Variants in DPP6 observed in about 807,000 individuals in gnomAD.
DPP6 encodes the protein A-type potassium channel modulatory protein DPP6.
Under a neutral mutation model 122.6 loss-of-function variants are expected in DPP6, and 69 were observed. The ratio of observed to expected loss-of-function variants is 0.56; its 90% CI spans 0.46 to 0.69. The LOEUF is 0.69. DPP6 is among the 30% of genes least tolerant of loss of function. The pLI is 0.00. For missense variants in DPP6, 928 were observed against 1,116.9 expected (o/e 0.83, Z 2.41); for synonymous variants, 418 against 433.1 (o/e 0.97, Z 0.43).
chr7:153,980,463 GTCTA>G (rs1329331188), intron 1 of DPP6, among the ~76,000 whole-genome samples: 11 of 151,708 alleles, frequency 7.3e-5, no homozygotes, highest in Admixed American at 1.3e-4. Flanking sequence ...CTGGTTAGTG[GTCTA>G]TCTATTTTGT....
the DPP6 span, among the ~76,000 whole-genome samples, chr7:153,778,338 T>C: frequency 6.6e-6 from 1 of 152,076 alleles, no homozygotes; most frequent in Non-Finnish European, 1.5e-5. Context: ...TATATACATA[T>C]ATATGCAGAG....
At chr7:154,118,130 A>T (rs535086659) in intron 1 of DPP6, among the ~76,000 whole-genome samples, 1 of 150,374 alleles carries the variant, frequency 6.7e-6, no homozygotes, top group African/African-American at 2.5e-5. Context: ...CATGATGATA[A>T]GGCTAGTGGG....
At chr7:154,774,203 A>G (rs1486029638) in intron 10 of DPP6, among the ~76,000 whole-genome samples, 1 of 152,142 alleles carries the variant, frequency 6.6e-6, no homozygotes, top group East Asian at 1.9e-4. Context: ...ACAACTGGTC[A>G]CTGGGGTATC....
intron 1 of DPP6, among the ~76,000 whole-genome samples, chr7:154,230,569 C>T (rs1800864144): frequency 6.6e-6 from 1 of 152,196 alleles, no homozygotes; most frequent in Non-Finnish European, 1.5e-5. Flanking sequence ...TCAACCACCT[C>T]ATTTTACAGT....
At chr7:154,275,410 G>C (rs999678836) in intron 1 of DPP6, among the ~76,000 whole-genome samples, 1 of 152,112 alleles carries the variant, frequency 6.6e-6, no homozygotes, top group Non-Finnish European at 1.5e-5. Context: ...GGCCCAAAGA[G>C]CGGAACAAAG....
chr7:153,786,899 A>C, the DPP6 span, among the ~76,000 whole-genome samples: 1 of 147,056 alleles, frequency 6.8e-6, no homozygotes, highest in African/African-American at 2.5e-5. Context: ...CTAGAAATGA[A>C]TTTAGCACTT....
At chr7:154,328,877 T>C (rs1808673500) in intron 1 of DPP6, among the ~76,000 whole-genome samples, 1 of 152,180 alleles carries the variant, frequency 6.6e-6, no homozygotes, top group Non-Finnish European at 1.5e-5. Context: ...ACTGTGTGGC[T>C]TCATGGACAT....
chr7:154,104,163 G>A (rs377620068), intron 1 of DPP6, among the ~76,000 whole-genome samples: 4 of 152,278 alleles, frequency 2.6e-5, no homozygotes, highest in Admixed American at 1.3e-4. Flanking sequence ...CGGAACCCAC[G>A]TGGCCTTGCC....
intron 1 of DPP6, among the ~76,000 whole-genome samples, chr7:153,963,112 C>G (rs1285093094): frequency 2.0e-5 from 3 of 152,036 alleles, no homozygotes; most frequent in Non-Finnish European, 2.9e-5. Context: ...CTCATTGTTT[C>G]AAGGAATATA....
chr7:154,626,595 A>G (rs1429517865), intron 5 of DPP6, among the ~76,000 whole-genome samples: 1 of 152,234 alleles, frequency 6.6e-6, no homozygotes, highest in Non-Finnish European at 1.5e-5. Context: ...TGGAAGTAGA[A>G]GTCGTTTGAG....
chr7:153,843,167 CACACACGAGTGCAT>C, the DPP6 span, among the ~76,000 whole-genome samples: 7 of 152,014 alleles, frequency 4.6e-5, no homozygotes, highest in African/African-American at 1.7e-4. Flanking sequence ...TATGTGCATA[CACACACGAGTGCAT>C]ACACACGCGT....
chr7:154,592,610 G>A (rs1021253553), intron 5 of DPP6, among the ~76,000 whole-genome samples: 2 of 150,054 alleles, frequency 1.3e-5, no homozygotes, highest in African/African-American at 5.0e-5. Context: ...AAAGGGGAGT[G>A]TCTGGGGGAG....
chr7:153,820,185 A>G, the DPP6 span, among the ~76,000 whole-genome samples: 2 of 152,212 alleles, frequency 1.3e-5, no homozygotes, highest in African/African-American at 4.8e-5. Context: ...ACAAGCCTCA[A>G]CATTACAAGA....
rs534092467 is a variant in DPP6 at position 154,762,309 on chromosome 7, A to C, written c.884-7108A>C. 2.0e-4 allele frequency among the ~76,000 whole-genome samples: 30 copies of C among 152,338 alleles called. 1 individual carries two copies. The highest frequency in any genetic ancestry group is 6.7e-4 in the African/African-American group (28 of 41,564). On this transcript the variant is annotated intron_variant, in intron 8 of 25. Transcript: ENST00000377770. ...TTCTTTGGGGAGTCTCACGCCCTGG[A>C]AGTAGCACTGAGGCTAGTTTTGGAA...
chr7:154,627,000 C>CT (rs552919287), intron 5 of DPP6, among the ~76,000 whole-genome samples: 1,237 of 52,148 alleles, frequency 0.024, 329 homozygotes, highest in Non-Finnish European at 0.033. Context: ...GAAATTTTTT[C>CT]TTTTTTTTTT....
the DPP6 span, among the ~76,000 whole-genome samples, chr7:153,789,489 T>C: frequency 1.3e-5 from 2 of 152,298 alleles, no homozygotes; most frequent in African/African-American, 2.4e-5. Context: ...TATCTACCTA[T>C]GGCAAATAAC....
intron 7 of DPP6, among the ~76,000 whole-genome samples, chr7:154,674,064 T>C (rs997214179): frequency 6.6e-6 from 1 of 152,082 alleles, no homozygotes; most frequent in Non-Finnish European, 1.5e-5. Flanking sequence ...TTAGCAGAGA[T>C]GGGGTTTCAC....
chr7:154,107,622 G>T (rs1806262087), intron 1 of DPP6, among the ~76,000 whole-genome samples: 1 of 152,170 alleles, frequency 6.6e-6, no homozygotes, highest in Admixed American at 6.5e-5. Context: ...ATGTTAACTA[G>T]CTTGATATAA....
intron 1 of DPP6, among the ~76,000 whole-genome samples, chr7:154,344,865 G>A (rs184543970): frequency 6.6e-6 from 1 of 152,268 alleles, no homozygotes; most frequent in East Asian, 1.9e-4. Flanking sequence ...TCCAGCCTGG[G>A]TGACAGAGTG....
Sources: allele counts gnomAD v4.1 joint callset (sites outside exome capture counted in the v4.1 genomes callset), GRCh38; gene constraint gnomAD v4.1.1; transcripts MANE v1.5; gene names NCBI Gene and HGNC (gene_info 2026-07-23, HGNC 2026-07-21).